PKD2: variants seen among roughly 807,000 people sequenced by gnomAD.
PKD2 encodes polycystin 2, transient receptor potential cation channel.
Under a neutral mutation model 105.9 loss-of-function variants are expected in PKD2, and 48 were observed. The ratio of observed to expected loss-of-function variants is 0.45; its 90% CI spans 0.36 to 0.58. The LOEUF is 0.58. Among genes scored for constraint, PKD2 ranks in the 20% least tolerant of loss-of-function variants. PKD2 has a pLI of 0.00. For missense variants in PKD2, 1,078 were observed against 1,255.3 expected, an observed-to-expected ratio of 0.86 and a Z score of 2.13; for synonymous variants, 464 against 481.1, an observed-to-expected ratio of 0.96 and a Z score of 0.46.
In PKD2 at chr4:88,065,766, G is replaced by A. The variant is rs148761063; in HGVS notation, c.2245G>A (p.Gly749Ser). Residue 749 changes from glycine (G) to serine (S), a missense_variant, in exon 12 of 15, where the codon GGC (glycine) becomes AGC (serine). Gly to Ser is a moderately conservative substitution (Grantham distance 56). This residue lies in a region of PKD2 where 868 missense variants were observed against 1,067.3 expected (regional missense o/e 0.81). Coordinates refer to ENST00000237596, the MANE Select transcript of PKD2 (RefSeq NM_000297.4). ...GTATCCTCTCTCTAATTTCAGGAAG[G>A]GCCATACTGATGCAGAGATTGAGGC... ...DELRQDLKGK[G>S]HTDAEIEAIF... 3.1e-6 allele frequency: 5 copies of A among 1,602,668 alleles called. No individual in the cohort carries two copies. The highest frequency in any genetic ancestry group is 4.3e-6 in the Non-Finnish European group (5 of 1,169,718).
In PKD2 at chr4:88,074,882, G is replaced by A. The variant is rs1245147089; in HGVS notation, c.2593G>A (p.Val865Met). The change falls in exon 14 of 15, where the codon GTG (valine) becomes ATG (methionine). Residue 865 changes from valine (V) to methionine (M), a missense_variant. Val to Met is a conservative substitution (Grantham distance 21, BLOSUM62 1). Around this residue, in one of 2 missense-constraint regions of PKD2, gnomAD observed 868 missense variants for 1,067.3 expected, o/e 0.81. Coordinates refer to ENST00000237596, the MANE Select transcript of PKD2 (RefSeq NM_000297.4). ...SIVSKIDAVI[V>M]KLEIMERAKL... ...AGTGTCCAAGATTGACGCCGTGATC[G>A]TGAAGCTAGAGATTATGGAGCGAGC... is the stretch of plus-strand genomic sequence containing the variant. 11 of 1,613,978 alleles carry A rather than the reference G, an allele frequency of 6.8e-6. No individual in the cohort carries two copies. The highest frequency in any genetic ancestry group is 4.4e-5 in the South Asian group (4 of 91,086).
At chr4:88,037,000 A>G (rs1050340698) in intron 3 of PKD2, among the ~76,000 whole-genome samples, 6 of 152,178 alleles carry the variant, frequency 3.9e-5, no homozygotes, top group African/African-American at 1.4e-4. Context: ...AGGCCAAGGC[A>G]GGAGGATTGC....
At position 88,038,598 on chromosome 4, in the gene PKD2, G is replaced by C. The variant is rs903515106; in HGVS notation, c.1094+97G>C. The C allele has an allele frequency of 1.8e-5, 24 of 1,329,320 alleles. No homozygotes were observed. In the Admixed American group the frequency reaches 4.1e-4, roughly 22 times the overall value. 82.3% of individuals were successfully genotyped at this position (1,329,320 alleles called of 1,614,324 possible). A position where few individuals can be genotyped will look rare whatever the true frequency, so the allele number is the denominator to read the frequency against. On this transcript the variant is annotated intron_variant, in intron 4 of 14. Transcript: ENST00000237596. The stretch of plus-strand genomic sequence containing the variant: ...ATTCATTCCCTGACACCTTCACCAA[G>C]GCAAAAATAAGTTCAGTGACTCTTC...
At chr4:88,017,005 ATATATGGATG>A (rs1226137672) in intron 1 of PKD2, among the ~76,000 whole-genome samples, 3 of 151,774 alleles carry the variant, frequency 2.0e-5, no homozygotes, top group Admixed American at 2.0e-4. Flanking sequence ...AAGAAAGAAA[ATATATGGATG>A]TATATCATAT....
intron 1 of PKD2, among the ~76,000 whole-genome samples, chr4:88,010,354 C>A (rs1419927847): frequency 6.6e-6 from 1 of 152,102 alleles, no homozygotes; most frequent in Non-Finnish European, 1.5e-5. Flanking sequence ...ATTAAATAAG[C>A]AACATTTTAA....
At chr4:88,018,618 T>C (rs1726641364) in intron 1 of PKD2, among the ~76,000 whole-genome samples, 1 of 152,180 alleles carries the variant, frequency 6.6e-6, no homozygotes, top group Non-Finnish European at 1.5e-5. Context: ...TAACGGGGCT[T>C]TGGATGGCCA....
Position 88,034,668 on chromosome 4 carries a change from C to CAAAAAAA in PKD2, c.710-1538_710-1532dup, listed in dbSNP as rs61534136. ...GGGCAACAACAGTGAAACTCCGTCT[C>CAAAAAAA]AAAAAAAAAAAAAAAAAAAAGGCAG... On this transcript the variant is annotated intron_variant, in intron 2 of 14. Coordinates refer to ENST00000237596, the MANE Select transcript of PKD2 (RefSeq NM_000297.4). Among the ~76,000 whole-genome samples, 3 of 71,886 alleles carry CAAAAAAA rather than the reference C, an allele frequency of 4.2e-5. 1 individual carries two copies. The highest frequency in any genetic ancestry group is 8.1e-5 in the Non-Finnish European group (3 of 37,256). The allele number at this position is 71,886 out of a possible 152,430, so 47.2% of individuals were successfully genotyped here.
Position 88,021,650 on chromosome 4 carries a change from A to C in PKD2, c.709+2079A>C, listed in dbSNP as rs563125189. On this transcript the variant is annotated intron_variant, in intron 2 of 14. Transcript: ENST00000237596. ...TTGAACAAGAGTCCCAGGTTAAGGG[A>C]CTTACTTCTTTGAAATCGTTCATTT... 2.0e-5 allele frequency among the ~76,000 whole-genome samples: 3 copies of C among 152,230 alleles called. No individual in the cohort carries two copies. In the East Asian group the frequency reaches 5.8e-4, roughly 29 times the overall value.
At chr4:88,043,202 CTG>C in intron 4 of PKD2, 29 bp from the exon 5 acceptor site, 1 of 1,354,684 alleles carries the variant, frequency 7.4e-7, no homozygotes. Flanking sequence ...CTGATTGTAA[CTG>C]TTTGTTTTTT....
chr4:88,069,842 A>G (rs1720949020), intron 13 of PKD2, among the ~76,000 whole-genome samples: 1 of 152,150 alleles, frequency 6.6e-6, no homozygotes, highest in Admixed American at 6.6e-5. Context: ...CAGCTTTGCT[A>G]CTGCCTACCT....
At chr4:88,025,613 CAAAA>C (rs35551347) in intron 2 of PKD2, among the ~76,000 whole-genome samples, 1 of 98,768 alleles carries the variant, frequency 1.0e-5, no homozygotes, top group Admixed American at 1.1e-4. Flanking sequence ...GACCCTGTCT[CAAAA>C]AAAAAAAAAA....
At chr4:88,051,218 CAT>C (rs1178114969) in intron 6 of PKD2, among the ~76,000 whole-genome samples, 1 of 151,166 alleles carries the variant, frequency 6.6e-6, no homozygotes, top group Non-Finnish European at 1.5e-5. Flanking sequence ...GCCCTTGGCT[CAT>C]ATATTCCCAC....
chr4:88,044,616 G>A (rs1288378936), intron 5 of PKD2, among the ~76,000 whole-genome samples: 1 of 152,084 alleles, frequency 6.6e-6, no homozygotes, highest in Non-Finnish European at 1.5e-5. Flanking sequence ...GATATCTTGG[G>A]GATGGGACCC....
At chr4:88,038,127 C>T (rs745334960) in intron 3 of PKD2, 124 bp from the exon 4 acceptor site, 3 of 1,041,798 alleles carry the variant, frequency 2.9e-6, no homozygotes, top group Non-Finnish European at 4.4e-6. Flanking sequence ...GACAACAAAA[C>T]TCATTCTTAT....
chr4:88,030,313 T>C (rs368391335), intron 2 of PKD2, among the ~76,000 whole-genome samples: 14 of 152,136 alleles, frequency 9.2e-5, no homozygotes, highest in South Asian at 2.1e-4. Flanking sequence ...CTAATTTTAT[T>C]TGTTGTAGAA....
At chr4:88,033,827 AT>A (rs1174624119) in intron 2 of PKD2, among the ~76,000 whole-genome samples, 2 of 152,122 alleles carry the variant, frequency 1.3e-5, no homozygotes, top group Non-Finnish European at 2.9e-5. Context: ...CAACTTAATC[AT>A]TTGGTTGGCT....
At chr4:88,034,773 G>C (rs1727275179) in intron 2 of PKD2, among the ~76,000 whole-genome samples, 1 of 151,418 alleles carries the variant, frequency 6.6e-6, no homozygotes, top group Non-Finnish European at 1.5e-5. Flanking sequence ...GTTTGAATAT[G>C]ATCCCTGAAA....
rs577808035 is a variant in PKD2 at position 88,016,602 on chromosome 4, G to GA, written c.596-2852dup. ...TTGGTCCTACATACACACCCAATGGGAAAATGAGATGAAAAATTTAAAGCA... is the reference window on the plus strand; with the variant it reads ...TTGGTCCTACATACACACCCAATGGGAAAAATGAGATGAAAAATTTAAAGCA... On this transcript the variant is annotated intron_variant, in intron 1 of 14. Coordinates refer to ENST00000237596, the MANE Select transcript of PKD2 (RefSeq NM_000297.4). Among the ~76,000 whole-genome samples, 203 of 152,238 alleles carry GA rather than the reference G, an allele frequency of 1.3e-3. 3 individuals carry two copies. Among genetic ancestry groups the GA allele is most frequent in the African/African-American group, 4.6e-3 (192 of 41,532 alleles).
At chr4:88,030,688 C>T (rs1325163632) in intron 2 of PKD2, among the ~76,000 whole-genome samples, 1 of 152,222 alleles carries the variant, frequency 6.6e-6, no homozygotes, top group Non-Finnish European at 1.5e-5. Flanking sequence ...CCCCCTCCTT[C>T]GAGTTGTGCT....
Sources: gnomAD v4.1 joint callset for allele counts (sites outside exome capture counted in the v4.1 genomes callset) on GRCh38, gnomAD v4.1.1 for gene constraint, gnomAD v4.1.1 regional missense constraint, MANE v1.5 for transcripts, NCBI Gene and HGNC (gene_info 2026-07-23, HGNC 2026-07-21) for gene names.